The following SLC44A4 variants were observed in gnomAD, a reference collection of about 807,000 sequenced individuals.
SLC44A4 encodes choline transporter-like protein 4.
SLC44A4 carries 74 observed loss-of-function variants against 97.0 expected under a neutral mutation model. That is an observed-to-expected ratio of 0.76 (90% CI 0.63 to 0.93). The LOEUF (loss-of-function observed/expected upper bound fraction) is 0.93. Among genes scored for constraint, SLC44A4 ranks in the 40% least tolerant of loss-of-function variants. The pLI, the probability that SLC44A4 is intolerant of heterozygous loss-of-function variation, is 0.00. For synonymous variants in SLC44A4, 325 were observed against 363.8 expected, an observed-to-expected ratio of 0.89 and a Z score of 1.21; for missense variants, 799 against 902.9, an observed-to-expected ratio of 0.88 and a Z score of 1.48.
chr6:31,876,257 AT>A lies in SLC44A4; in HGVS notation c.90-129del, dbSNP rs1457458928. 3.1e-6 allele frequency: 2 copies of A among 654,168 alleles called. No individual in the cohort carries two copies. The highest frequency in any genetic ancestry group is 1.9e-5 in the African/African-American group (1 of 53,898). 40.5% of individuals were successfully genotyped at this position (654,168 alleles called of 1,614,324 possible). ...ATGGGCATCAGTAGGCTTTATTTTTATTTTTTTATTGCTTTTACTTTTTTAT... is the reference window on the plus strand; with the variant it reads ...ATGGGCATCAGTAGGCTTTATTTTTATTTTTTATTGCTTTTACTTTTTTAT... On this transcript the variant is annotated intron_variant, in intron 2 of 20. Coordinates refer to ENST00000229729, the MANE Select transcript of SLC44A4 (RefSeq NM_025257.3). The surrounding 1 kb of genome is among the most constrained non-coding windows in gnomAD (Gnocchi z 4.8).
In SLC44A4 at chr6:31,865,504, G is replaced by GTA. The variant is rs1186134983; in HGVS notation, c.1678_1679dup (p.Ile561ThrfsTer3). 3 of 1,609,410 alleles carry GTA rather than the reference G, an allele frequency of 1.9e-6. No homozygotes were observed. Among genetic ancestry groups the GTA allele is most frequent in the Non-Finnish European group, 2.6e-6 (3 of 1,176,414 alleles). ...TGCTTGCAGTGTAGCTCACCATGAT[G>GTA]TATGCATTGCGGTTTAGGAACTTGA... On this transcript the variant is annotated frameshift_variant, in exon 16 of 21. Transcript: ENST00000229729. LOFTEE classifies it high-confidence loss of function. The surrounding 1 kb of genome is among the most constrained non-coding windows in gnomAD (Gnocchi z 5.2).
At position 31,865,577 on chromosome 6, in the gene SLC44A4, C is replaced by A. The variant is rs537294061; in HGVS notation, c.1607G>T (p.Cys536Phe). Residue 536 changes from cysteine (C) to phenylalanine (F), a missense_variant, in exon 16 of 21, where the codon TGC becomes TTC. Coordinates refer to ENST00000229729, the MANE Select transcript of SLC44A4 (RefSeq NM_025257.3). The surrounding 1 kb of genome is among the most constrained non-coding windows in gnomAD (Gnocchi z 5.2). ...GCAGCACTTGAAACAGCACATGATG[C>A]AGCGGGCTACAGGGTTCTGCACTCC... is the stretch of plus-strand genomic sequence containing the variant. ...LRGVQNPVAR[C>F]IMCCFKCCLW... The A allele has an allele frequency of 2.5e-6, 4 of 1,599,504 alleles. No individual in the cohort carries two copies. In the South Asian group the frequency reaches 4.4e-5, roughly 18 times the overall value.
chr6:31,863,627 T>C lies in SLC44A4; in HGVS notation c.2133A>G (p.Ter711TrpextTer5), dbSNP rs1301345298. 1 of 1,610,770 alleles carries C rather than the reference T, an allele frequency of 6.2e-7. No homozygotes were observed. The highest frequency in any genetic ancestry group is 8.5e-7 in the Non-Finnish European group (1 of 1,179,214). ...APPDNKKRKK* is the reference protein window; with the variant it reads ...APPDNKKRKKW ...CAGTCCTGGATCAGGGCCGGAGCTG[T>C]CACTTCTTCCTCTTCTTGTTGTCCG... Residue 711 changes from the stop codon to tryptophan (W), a stop_lost, in exon 21 of 21, where the codon TGA (stop) becomes TGG (tryptophan). Transcript: ENST00000229729.
Position 31,865,412 on chromosome 6 carries a change from G to A in SLC44A4, c.1687-24C>T. 1 of 1,613,940 alleles carries A rather than the reference G, an allele frequency of 6.2e-7. No homozygotes were observed. Among genetic ancestry groups the A allele is most frequent in the Non-Finnish European group, 8.5e-7 (1 of 1,179,870 alleles). On this transcript the variant is annotated intron_variant, in intron 16 of 20. Transcript: ENST00000229729. This position sits in a 1 kb window ranked among gnomAD's most constrained non-coding sequence, Gnocchi z 5.2. Reference sequence around the variant, plus strand: ...ATCTGAGGGAGGTGGAAAGGTCAGAGTTACCAAGGCGAGCTGCCTGGACCA... The same window carrying A: ...ATCTGAGGGAGGTGGAAAGGTCAGAATTACCAAGGCGAGCTGCCTGGACCA...
Position 31,874,309 on chromosome 6 carries a change from A to G in SLC44A4, c.529+151T>C. On this transcript the variant is annotated intron_variant, in intron 7 of 20. Transcript: ENST00000229729. This position sits in a 1 kb window ranked among gnomAD's most constrained non-coding sequence, Gnocchi z 4.8. The stretch of plus-strand genomic sequence containing the variant: ...ACTGATGGTCTGACTGCAAGGCCAC[A>G]TAACAAAGAGCAAAATGAAGACCTG... 2.4e-6 allele frequency: 2 copies of G among 827,496 alleles called. No homozygotes were observed. The highest frequency in any genetic ancestry group is 4.0e-6 in the Non-Finnish European group (2 of 498,688). 51.3% of individuals were successfully genotyped at this position (827,496 alleles called of 1,614,324 possible). A position where few individuals can be genotyped will look rare whatever the true frequency, so the allele number is the denominator to read the frequency against.
In SLC44A4 at chr6:31,874,339, T is replaced by C. The variant is rs1038085085; in HGVS notation, c.529+121A>G. On this transcript the variant is annotated intron_variant, in intron 7 of 20. Coordinates refer to ENST00000229729, the MANE Select transcript of SLC44A4 (RefSeq NM_025257.3). This position sits in a 1 kb window ranked among gnomAD's most constrained non-coding sequence, Gnocchi z 4.8. ...AAAGAGCAAAATGAAGACCTGATGC[T>C]AATTCCAATTTTGCCACCAACAAGC... The C allele has an allele frequency of 9.4e-7, 1 of 1,068,740 alleles. No individual in the cohort carries two copies. Among genetic ancestry groups the C allele is most frequent in the Non-Finnish European group, 1.4e-6 (1 of 704,878 alleles). 66.2% of individuals were successfully genotyped at this position (1,068,740 alleles called of 1,614,324 possible). A position where few individuals can be genotyped will look rare whatever the true frequency, so the allele number is the denominator to read the frequency against.
At chr6:31,871,951 C>T (rs1002928104) in intron 7 of SLC44A4, among the ~76,000 whole-genome samples, 1 of 152,148 alleles carries the variant, frequency 6.6e-6, no homozygotes, top group African/African-American at 2.4e-5. Flanking sequence ...CATCCACACT[C>T]CCTGGCCAGG....
intron 13 of SLC44A4, 62 bp from the exon 14 acceptor site, chr6:31,866,188 G>C: frequency 6.3e-7 from 1 of 1,576,508 alleles, no homozygotes; most frequent in African/African-American, 1.3e-5. Flanking sequence ...TGGAGCCTGG[G>C]CGTCCCATTC....
chr6:31,874,922 CTCTGACCTGGGG>C lies in SLC44A4; in HGVS notation c.337_342+6del. 6.2e-7 allele frequency: 1 copy of C among 1,613,534 alleles called. No homozygotes were observed. Among genetic ancestry groups the C allele is most frequent in the Non-Finnish European group, 8.5e-7 (1 of 1,179,648 alleles). ...ATCTGGGGTAGAGGCAGGTCCCAGG[CTCTGACCTGGGG>C]TGTGGGGCACTGTAGGCCGTTCTCA... is the stretch of plus-strand genomic sequence containing the variant. On this transcript the variant is annotated splice_donor_variant and splice_donor_5th_base_variant and coding_sequence_variant and intron_variant, in exon 5 of 21. Transcript: ENST00000229729. LOFTEE classifies it high-confidence loss of function. This position sits in a 1 kb window ranked among gnomAD's most constrained non-coding sequence, Gnocchi z 4.8.
chr6:31,869,909 C>T (rs1008652589), intron 11 of SLC44A4, among the ~76,000 whole-genome samples: 4 of 151,708 alleles, frequency 2.6e-5, no homozygotes, highest in African/African-American at 9.7e-5. Flanking sequence ...GGCGTGAACC[C>T]GGGAGGCGGA....
Position 31,876,265 on chromosome 6 carries a change from ATTGCTT to A in SLC44A4, c.90-142_90-137del. The A allele has an allele frequency of 1.6e-6, 1 of 641,584 alleles. No homozygotes were observed. Among genetic ancestry groups the A allele is most frequent in the East Asian group, 2.9e-5 (1 of 34,430 alleles). 39.7% of individuals were successfully genotyped at this position (641,584 alleles called of 1,614,324 possible). A position where few individuals can be genotyped will look rare whatever the true frequency, so the allele number is the denominator to read the frequency against. On this transcript the variant is annotated intron_variant, in intron 2 of 20. Coordinates refer to ENST00000229729, the MANE Select transcript of SLC44A4 (RefSeq NM_025257.3). This position sits in a 1 kb window ranked among gnomAD's most constrained non-coding sequence, Gnocchi z 4.8. ...CAGTAGGCTTTATTTTTATTTTTTT[ATTGCTT>A]TTACTTTTTTATTTTGAGACAGGGT...
rs1156868971 is a variant in SLC44A4 at position 31,864,649 on chromosome 6, C to T, written c.2011+3G>A. The T allele has an allele frequency of 1.3e-5, 21 of 1,613,560 alleles. No individual in the cohort carries two copies. Among genetic ancestry groups the T allele is most frequent in the Non-Finnish European group, 1.7e-5 (20 of 1,179,880 alleles). ...GGGACAGGTGGCTGGGGGTGTCACT[C>T]ACGGAAGCAGAGGAAGAGCGTGTCC... On this transcript the variant is annotated splice_donor_region_variant and intron_variant, in intron 20 of 20. Coordinates refer to ENST00000229729, the MANE Select transcript of SLC44A4 (RefSeq NM_025257.3).
chr6:31,870,014 T>A (rs575591), intron 11 of SLC44A4, among the ~76,000 whole-genome samples: 2 of 150,928 alleles, frequency 1.3e-5, no homozygotes, highest in African/African-American at 2.4e-5. Context: ...GGCTGACCCC[T>A]CTGCCCTCAC....
In SLC44A4 at chr6:31,878,473, G is replaced by A. The variant is rs1048751638; in HGVS notation, c.40+468C>T. Reference sequence around the variant, plus strand: ...AGCCGGCAGACCACAAGCAGCTTTCGCCCTCAGAGACCCAGACTCCAGGCT... The same window carrying A: ...AGCCGGCAGACCACAAGCAGCTTTCACCCTCAGAGACCCAGACTCCAGGCT... On this transcript the variant is annotated intron_variant, in intron 1 of 20. Coordinates refer to ENST00000229729, the MANE Select transcript of SLC44A4 (RefSeq NM_025257.3). This position sits in a 1 kb window ranked among gnomAD's most constrained non-coding sequence, Gnocchi z 4.0. Among the ~76,000 whole-genome samples, 2 of 151,976 alleles carry A rather than the reference G, an allele frequency of 1.3e-5. No homozygotes were observed. The highest frequency in any genetic ancestry group is 2.1e-4 in the South Asian group (1 of 4,830).
chr6:31,866,811 T>G (rs1762895786), intron 13 of SLC44A4, among the ~76,000 whole-genome samples: 1 of 151,826 alleles, frequency 6.6e-6, no homozygotes, highest in Non-Finnish European at 1.5e-5. Context: ...GGATAATTGC[T>G]TGAACCCAGG....
intron 18 of SLC44A4, 33 bp from the exon 19 acceptor site, chr6:31,864,943 C>T (rs1351749615): frequency 1.2e-6 from 2 of 1,613,584 alleles, no homozygotes; most frequent in African/African-American, 1.3e-5. Context: ...AGTGCTGCAC[C>T]TCTGAGGCCA....
chr6:31,876,295 G>C lies in SLC44A4; in HGVS notation c.90-166C>G, dbSNP rs1013785380. ...TTTTACTTTTTTATTTTGAGACAGG[G>C]TCTCACTCTGTCACACAGACTGGAG... On this transcript the variant is annotated intron_variant, in intron 2 of 20. Coordinates refer to ENST00000229729, the MANE Select transcript of SLC44A4 (RefSeq NM_025257.3). The surrounding 1 kb of genome is among the most constrained non-coding windows in gnomAD (Gnocchi z 4.8). 6.6e-5 allele frequency among the ~76,000 whole-genome samples: 10 copies of C among 152,022 alleles called. No individual in the cohort carries two copies. The highest frequency in any genetic ancestry group is 1.2e-4 in the Non-Finnish European group (8 of 67,998).
Position 31,874,499 on chromosome 6 carries a change from G to A in SLC44A4, c.490C>T (p.Gln164Ter), listed in dbSNP as rs1763335393. ...AGGAGGAAACTGGGGCAGAGTTCCT[G>A]TTGCAGGCTTGTGATCACCGTCTGT... ...WNMTVITSLQ[Q>*]ELCPSFLLPS... is the part of the protein sequence containing the mutation. The change falls in exon 7 of 21, where the codon CAG becomes TAG. Residue 164 changes from glutamine (Q) to a stop codon, truncating the protein, a stop_gained. Transcript: ENST00000229729. LOFTEE classifies it high-confidence loss of function. This position sits in a 1 kb window ranked among gnomAD's most constrained non-coding sequence, Gnocchi z 4.8. 1.2e-6 allele frequency: 2 copies of A among 1,613,012 alleles called. No individual in the cohort carries two copies. The highest frequency in any genetic ancestry group is 1.7e-6 in the Non-Finnish European group (2 of 1,179,990).
intron 7 of SLC44A4, 40 bp from the exon 8 acceptor site, chr6:31,871,601 G>T: frequency 6.6e-7 from 1 of 1,513,596 alleles, no homozygotes; most frequent in Non-Finnish European, 9.2e-7. Flanking sequence ...GGGGCCAGGA[G>T]CTCTGCCTGG....
Sources: allele counts gnomAD v4.1 joint callset (sites outside exome capture counted in the v4.1 genomes callset), GRCh38; gene constraint gnomAD v4.1.1; non-coding constraint Gnocchi (gnomAD v3.1); transcripts MANE v1.5; gene names NCBI Gene and HGNC (gene_info 2026-07-23, HGNC 2026-07-21).